Variants in NF1 observed in about 807,000 individuals in gnomAD.
The protein encoded by NF1 is neurofibromin.
Under a neutral mutation model 325.7 loss-of-function variants are expected in NF1, and 122 were observed. That is an observed-to-expected ratio of 0.37 (90% CI 0.32 to 0.44). NF1 has a LOEUF of 0.44. NF1 is among the 20% of genes least tolerant of loss of function. NF1 has a pLI of 1.00. For missense variants in NF1, 2,140 were observed against 3,415.4 expected, an observed-to-expected ratio of 0.63 and a Z score of 9.31; for synonymous variants, 1,091 against 1,186.0, an observed-to-expected ratio of 0.92 and a Z score of 1.65.
intron 34 of NF1, among the ~76,000 whole-genome samples, chr17:31,260,802 G>T (rs1431086943): frequency 2.6e-5 from 4 of 152,092 alleles, no homozygotes. Flanking sequence ...GATTGTTATA[G>T]ATCCAAAGAA....
intron 48 of NF1, among the ~76,000 whole-genome samples, chr17:31,346,881 G>T (rs1213642002): frequency 3.9e-5 from 4 of 103,154 alleles, no homozygotes; most frequent in Non-Finnish European, 5.6e-5. Flanking sequence ...AATAGTTATT[G>T]CTCTTATCCC....
intron 1 of NF1, among the ~76,000 whole-genome samples, chr17:31,103,274 G>A (rs1376217187): frequency 2.6e-5 from 4 of 151,864 alleles, no homozygotes; most frequent in Non-Finnish European, 4.4e-5. Context: ...ACAAGTTCTC[G>A]CTTTCTCGCC....
intron 36 of NF1, chr17:31,320,433 G>A: frequency 6.2e-7 from 1 of 1,610,726 alleles, no homozygotes. Flanking sequence ...AAGCAACATG[G>A]ATGCCACTGC....
At chr17:31,102,104 T>C (rs1222759549) in intron 1 of NF1, among the ~76,000 whole-genome samples, 1 of 152,204 alleles carries the variant, frequency 6.6e-6, no homozygotes, top group Admixed American at 6.5e-5. Context: ...TGATAAGTGA[T>C]ATTTTAACTA....
intron 36 of NF1, among the ~76,000 whole-genome samples, chr17:31,293,850 T>C (rs1056595697): frequency 1.3e-5 from 2 of 152,236 alleles, no homozygotes; most frequent in Admixed American, 6.5e-5. Context: ...GGCTGTTTCT[T>C]ATGTTTGTCA....
rs187588637 is a variant in NF1 at position 31,362,006 on chromosome 17, C to G, written c.8377+1303C>G. ...AACAAGGTTTGTTTGCCCTCTGCCA[C>G]TAACTCTCTAGTACAGTGTTTCTCC... On this transcript the variant is annotated intron_variant, in intron 57 of 57. Coordinates refer to ENST00000358273, the MANE Select transcript of NF1 (RefSeq NM_001042492.3). Among the ~76,000 whole-genome samples, 5 of 152,278 alleles carry G rather than the reference C, an allele frequency of 3.3e-5. No individual in the cohort carries two copies. In the East Asian group the frequency reaches 9.6e-4, roughly 29 times the overall value.
At chr17:31,288,030 A>G (rs1349687289) in intron 36 of NF1, among the ~76,000 whole-genome samples, 1 of 151,960 alleles carries the variant, frequency 6.6e-6, no homozygotes, top group Non-Finnish European at 1.5e-5. Flanking sequence ...ATGTATACAT[A>G]TGTAACTAAC....
At chr17:31,349,096 T>G (rs1259160832) in intron 48 of NF1, 24 bp from the exon 49 acceptor site, 5 of 1,554,906 alleles carry the variant, frequency 3.2e-6, no homozygotes. Flanking sequence ...CTTGTTTGTT[T>G]GTTTGTTTGT....
At chr17:31,293,107 G>A (rs376188820) in intron 36 of NF1, among the ~76,000 whole-genome samples, 9 of 140,316 alleles carry the variant, frequency 6.4e-5, no homozygotes, top group Non-Finnish European at 1.2e-4. Flanking sequence ...GAACCTGGGA[G>A]GGGGAGATTG....
chr17:31,219,228 G>C, intron 14 of NF1, 110 bp downstream of exon 14: 1 of 1,156,038 alleles, frequency 8.7e-7, no homozygotes, highest in Non-Finnish European at 1.3e-6. Context: ...TGTCATTTCT[G>C]GAAATGGTAT....
At chr17:31,294,651 G>T (rs2068422216) in intron 36 of NF1, 1 of 277,764 alleles carries the variant, frequency 3.6e-6, no homozygotes, top group Admixed American at 5.0e-5. Context: ...ACACAGTTAT[G>T]AGCATAGACC....
At chr17:31,163,030 C>G (rs937049509) in intron 3 of NF1, among the ~76,000 whole-genome samples, 156 bp from the exon 4 acceptor site, 2 of 151,920 alleles carry the variant, frequency 1.3e-5, no homozygotes, top group African/African-American at 4.8e-5. Flanking sequence ...ACAGATGTAG[C>G]AAATATGATG....
chr17:31,212,204 A>C (rs1664020831), intron 12 of NF1, among the ~76,000 whole-genome samples: 1 of 152,202 alleles, frequency 6.6e-6, no homozygotes, highest in Non-Finnish European at 1.5e-5. Context: ...ACGTTAGCCT[A>C]GGCCTACATG....
intron 8 of NF1, among the ~76,000 whole-genome samples, chr17:31,187,104 A>G (rs2079177): frequency 0.57 from 87,284 of 152,070 alleles, 27,213 homozygotes; most frequent in Middle Eastern, 0.8. Flanking sequence ...CTTACCCACC[A>G]TCATGGTATT....
intron 1 of NF1, among the ~76,000 whole-genome samples, chr17:31,129,651 G>A (rs1467311298): frequency 6.6e-6 from 1 of 151,894 alleles, no homozygotes; most frequent in African/African-American, 2.4e-5. Context: ...GGCTGGTCTT[G>A]AACCCCTGAC....
At chr17:31,338,842 G>C in intron 46 of NF1, 37 bp downstream of exon 46, 1 of 1,282,060 alleles carries the variant, frequency 7.8e-7, no homozygotes, top group Non-Finnish European at 1.1e-6. Context: ...ATTCATTTTG[G>C]GTATCAGTGT....
At chr17:31,287,825 C>T (rs1165857695) in intron 36 of NF1, among the ~76,000 whole-genome samples, 1 of 151,088 alleles carries the variant, frequency 6.6e-6, no homozygotes, top group Non-Finnish European at 1.5e-5. Flanking sequence ...AGGCATGAGC[C>T]ACTGCTCCTG....
At chr17:31,316,837 T>G (rs2151524065) in intron 36 of NF1, among the ~76,000 whole-genome samples, 1 of 152,352 alleles carries the variant, frequency 6.6e-6, no homozygotes, top group African/African-American at 2.4e-5. Flanking sequence ...GCTAATAAAT[T>G]GATAATAAAA....
At chr17:31,136,075 A>T (rs1357806480) in intron 1 of NF1, among the ~76,000 whole-genome samples, 1 of 152,014 alleles carries the variant, frequency 6.6e-6, no homozygotes, top group African/African-American at 2.4e-5. Flanking sequence ...CACGCCTGTA[A>T]TCCGAACACT....
Sources: allele counts gnomAD v4.1 joint callset (sites outside exome capture counted in the v4.1 genomes callset), GRCh38; gene constraint gnomAD v4.1.1; transcripts MANE v1.5; gene names NCBI Gene and HGNC (gene_info 2026-07-23, HGNC 2026-07-21).